GOLPH3: variants seen among roughly 807,000 people sequenced by gnomAD.
GOLPH3 encodes the protein golgi phosphoprotein 3.
GOLPH3 carries 14 observed loss-of-function variants against 28.5 expected under a neutral mutation model. That is an observed-to-expected ratio of 0.49 (90% CI 0.32 to 0.77). GOLPH3 has a LOEUF of 0.77. GOLPH3 is among the 30% of genes least tolerant of loss of function. The pLI is 0.03. For missense variants in GOLPH3, 350 were observed against 393.7 expected, an observed-to-expected ratio of 0.89 and a Z score of 0.94; for synonymous variants, 158 against 159.2, an observed-to-expected ratio of 0.99 and a Z score of 0.06.
chr5:32,141,749 G>A (rs1386433572), intron 2 of GOLPH3, among the ~76,000 whole-genome samples: 2 of 152,154 alleles, frequency 1.3e-5, no homozygotes, highest in African/African-American at 2.4e-5. Context: ...TTGCAGGCGC[G>A]CGCCGCCACG....
Position 32,164,795 on chromosome 5 carries a change from T to G in GOLPH3, c.225+9015A>C, listed in dbSNP as rs140244854. Among the ~76,000 whole-genome samples the G allele has an allele frequency of 9.8e-3, 1,495 of 152,118 alleles. 25 individuals carry two copies. Among genetic ancestry groups the G allele is most frequent in the African/African-American group, 0.035 (1,453 of 41,450 alleles). ...TACATAATTTACTTAATAAAGCCAGTAATCTACTTAATTAATACAGTAAAT... is the reference window on the plus strand; with the variant it reads ...TACATAATTTACTTAATAAAGCCAGGAATCTACTTAATTAATACAGTAAAT... On this transcript the variant is annotated intron_variant, in intron 1 of 3. Transcript: ENST00000265070.
chr5:32,163,225 C>A (rs751428090), intron 1 of GOLPH3, among the ~76,000 whole-genome samples: 1 of 152,220 alleles, frequency 6.6e-6, no homozygotes, highest in Admixed American at 6.5e-5. Context: ...TGATCCAAAG[C>A]ATCCTCCCTA....
intron 1 of GOLPH3, among the ~76,000 whole-genome samples, chr5:32,164,009 C>T (rs1239110463): frequency 2.6e-5 from 4 of 152,048 alleles, no homozygotes; most frequent in African/African-American, 9.7e-5. Flanking sequence ...CTAATCTGTC[C>T]CAGAAGGTAG....
intron 1 of GOLPH3, among the ~76,000 whole-genome samples, chr5:32,172,775 C>A (rs1469805287): frequency 6.6e-6 from 1 of 152,174 alleles, no homozygotes; most frequent in Non-Finnish European, 1.5e-5. Flanking sequence ...GCAGGAGAAT[C>A]GCTTGAACCC....
chr5:32,135,752 G>T, intron 2 of GOLPH3, 66 bp from the exon 3 acceptor site: 1 of 883,010 alleles, frequency 1.1e-6, no homozygotes, highest in Non-Finnish European at 1.9e-6. Context: ...CTCATTAAAT[G>T]AAAAACAAAC....
At chr5:32,145,164 C>T (rs148598344) in intron 1 of GOLPH3, among the ~76,000 whole-genome samples, 48 of 152,222 alleles carry the variant, frequency 3.2e-4, no homozygotes, top group South Asian at 4.1e-4. Context: ...ATTTTTGATA[C>T]AAGGAGTTAA....
chr5:32,166,237 C>A (rs192548693), intron 1 of GOLPH3, among the ~76,000 whole-genome samples: 1 of 152,190 alleles, frequency 6.6e-6, no homozygotes, highest in Admixed American at 6.5e-5. Context: ...TTAAAAGTGA[C>A]CAGAAACATC....
In GOLPH3 at chr5:32,126,034, G is replaced by C; in HGVS notation, c.*178C>G. On this transcript the variant is annotated 3_prime_UTR_variant, in exon 4 of 4. Transcript: ENST00000265070. ...CTTTTTTTAAAAACAGAAAGAGGAA[G>C]GCCTCTCGTACCAGCAGAATCCTGT... The C allele has an allele frequency of 1.7e-6, 1 of 571,660 alleles. No homozygotes were observed. The highest frequency in any genetic ancestry group is 2.9e-5 in the East Asian group (1 of 34,506). 35.4% of individuals were successfully genotyped at this position (571,660 alleles called of 1,614,324 possible).
chr5:32,148,621 C>A (rs565714456), intron 1 of GOLPH3, among the ~76,000 whole-genome samples: 1 of 152,176 alleles, frequency 6.6e-6, no homozygotes, highest in East Asian at 1.9e-4. Flanking sequence ...CACGGTGAAA[C>A]CCCATCTCTA....
intron 2 of GOLPH3, among the ~76,000 whole-genome samples, chr5:32,140,190 A>AAAAAAAAAATAAGATTG (rs1746025144): frequency 6.6e-6 from 1 of 152,042 alleles, no homozygotes; most frequent in Non-Finnish European, 1.5e-5. Context: ...TCTAGAGGAA[A>AAAAAAAAAATAAGATTG]AAAAAAAAAT....
intron 1 of GOLPH3, among the ~76,000 whole-genome samples, chr5:32,151,380 G>C (rs1165000192): frequency 6.6e-6 from 1 of 152,116 alleles, no homozygotes; most frequent in Non-Finnish European, 1.5e-5. Context: ...TTTAAAATTA[G>C]CTGGGTGCGA....
intron 1 of GOLPH3, among the ~76,000 whole-genome samples, chr5:32,147,360 G>A (rs1159505257): frequency 6.6e-6 from 1 of 152,126 alleles, no homozygotes; most frequent in Non-Finnish European, 1.5e-5. Context: ...TCCTGGTGCA[G>A]GAGGCGGAGG....
chr5:32,162,839 G>A lies in GOLPH3; in HGVS notation c.225+10971C>T, dbSNP rs1011491269. Among the ~76,000 whole-genome samples, 11 of 152,350 alleles carry A rather than the reference G, an allele frequency of 7.2e-5. No individual in the cohort carries two copies. The East Asian group carries it at 1.2e-3, about 16-fold the overall frequency. ...CACGCCTGTAATCCCAGCACTTTGG[G>A]AGGCAGAGGCGGGCGGATCACGAGG... On this transcript the variant is annotated intron_variant, in intron 1 of 3. Transcript: ENST00000265070.
chr5:32,167,896 A>G (rs2619869), intron 1 of GOLPH3, among the ~76,000 whole-genome samples: 41,058 of 152,032 alleles, frequency 0.27, 6,256 homozygotes, highest in South Asian at 0.41. Flanking sequence ...CGAGGTTGCA[A>G]TGAGCCATGA....
chr5:32,142,856 G>A (rs1468920981), intron 2 of GOLPH3, among the ~76,000 whole-genome samples: 6 of 149,730 alleles, frequency 4.0e-5, no homozygotes, highest in South Asian at 2.1e-4. Context: ...CCGGCCAGCC[G>A]CCCCGTCCGG....
chr5:32,159,916 G>C (rs1468009586), intron 1 of GOLPH3, among the ~76,000 whole-genome samples: 2 of 152,206 alleles, frequency 1.3e-5, no homozygotes, highest in Admixed American at 1.3e-4. Context: ...CTGTGGGTAA[G>C]TATTTTAAGT....
chr5:32,144,556 T>C (rs928348728), intron 1 of GOLPH3, among the ~76,000 whole-genome samples: 2 of 152,248 alleles, frequency 1.3e-5, no homozygotes, highest in African/African-American at 2.4e-5. Context: ...ACCAACACAC[T>C]GCAGCCTGGG....
At chr5:32,144,026 T>C (rs1376205563) in intron 1 of GOLPH3, 146 bp from the exon 2 acceptor site, 4 of 504,776 alleles carry the variant, frequency 7.9e-6, no homozygotes, top group Non-Finnish European at 3.3e-6. Context: ...AAAAATACAA[T>C]TAACATAAAT....
At position 32,173,953 on chromosome 5, in the gene GOLPH3, C is replaced by G. The variant is rs1357362353; in HGVS notation, c.82G>C (p.Ala28Pro). ...ASRNAADKER[A>P]AGGGAGSSED... ...CTGCTGCCGGCGCCGCCGCCCGCCG[C>G]CCGCTCCTTGTCGGCGGCGTTGCGG... Residue 28 changes from alanine (A) to proline (P), a missense_variant, in exon 1 of 4, where the codon GCG becomes CCG. Transcript: ENST00000265070. The G allele has an allele frequency of 6.9e-7, 1 of 1,455,948 alleles. No individual in the cohort carries two copies. The highest frequency in any genetic ancestry group is 1.5e-5 in the African/African-American group (1 of 68,212). 90.2% of individuals were successfully genotyped at this position (1,455,948 alleles called of 1,614,324 possible). A position where few individuals can be genotyped will look rare whatever the true frequency, so the allele number is the denominator to read the frequency against.
Sources: allele counts gnomAD v4.1 joint callset (sites outside exome capture counted in the v4.1 genomes callset), GRCh38; gene constraint gnomAD v4.1.1; transcripts MANE v1.5; gene names NCBI Gene and HGNC (gene_info 2026-07-23, HGNC 2026-07-21).